PUM1: variants seen among roughly 807,000 people sequenced by gnomAD.
PUM1 encodes the protein pumilio RNA binding family member 1.
Under a neutral mutation model 131.8 loss-of-function variants are expected in PUM1, and 13 were observed. That is an observed-to-expected ratio of 0.10 (90% CI 0.06 to 0.16). The LOEUF is 0.16. Among genes scored for constraint, PUM1 ranks in the 10% least tolerant of loss-of-function variants. The pLI, the probability that PUM1 is intolerant of heterozygous loss-of-function variation, is 1.00. For synonymous variants in PUM1, 509 were observed against 556.5 expected (o/e 0.91, Z 1.20); for missense variants, 961 against 1,512.4 (o/e 0.64, Z 6.05).
intron 5 of PUM1, among the ~76,000 whole-genome samples, chr1:31,002,357 A>AT (rs1193901268): frequency 1.2e-4 from 18 of 152,048 alleles, no homozygotes; most frequent in Non-Finnish European, 2.6e-4. Flanking sequence ...TTCCCAATAT[A>AT]TTTTTTCTAA....
intron 3 of PUM1, among the ~76,000 whole-genome samples, chr1:31,019,451 G>C (rs980382563): frequency 6.6e-6 from 1 of 152,144 alleles, no homozygotes; most frequent in Non-Finnish European, 1.5e-5. Context: ...AAACGCACAG[G>C]GGTTTCCTGT....
chr1:30,954,829 G>A (rs1640081850), intron 14 of PUM1, among the ~76,000 whole-genome samples: 2 of 152,088 alleles, frequency 1.3e-5, no homozygotes, highest in Admixed American at 6.5e-5. Context: ...TTGGGAAGTC[G>A]AAGCAGGAGG....
At chr1:30,956,817 T>C (rs1438948185) in intron 14 of PUM1, among the ~76,000 whole-genome samples, 1 of 152,138 alleles carries the variant, frequency 6.6e-6, no homozygotes, top group African/African-American at 2.4e-5. Context: ...TTGGTGACAA[T>C]GTTTAATGAC....
chr1:30,982,843 GTTAACTC>G (rs1641404329), intron 7 of PUM1, among the ~76,000 whole-genome samples: 2 of 152,148 alleles, frequency 1.3e-5, no homozygotes, highest in African/African-American at 2.4e-5. Flanking sequence ...AATTTCACCT[GTTAACTC>G]TTTAGTCTTA....
intron 21 of PUM1, 97 bp from the exon 22 acceptor site, chr1:30,933,439 T>TACACACACAC (rs58664754): frequency 0.017 from 6,071 of 363,338 alleles, 122 homozygotes; most frequent in East Asian, 0.025. Flanking sequence ...CACACACACA[T>TACACACACAC]ACACACACAC....
chr1:30,966,107 T>C lies in PUM1; in HGVS notation c.1961A>G (p.Asn654Ser), dbSNP rs1401466112. 3.7e-6 allele frequency: 6 copies of C among 1,614,066 alleles called. No individual in the cohort carries two copies. The highest frequency in any genetic ancestry group is 3.3e-5 in the Admixed American group (2 of 60,004). The change falls in exon 13 of 22, where the codon AAT becomes AGT. Residue 654 changes from asparagine to serine, a missense_variant. By Grantham distance (46) the Asn-to-Ser change is conservative (BLOSUM62 1). Transcript: ENST00000426105. ...SFYGNNSLNSNSQSSSLFSQG... is the reference protein window; with the variant it reads ...SFYGNNSLNSSSQSSSLFSQG... ...GGAGAAGAGGGAGCTGCTCTGTGAATTGCTGTTCAGAGAGTTGTTGCCGTA... is the reference window on the plus strand; with the variant it reads ...GGAGAAGAGGGAGCTGCTCTGTGAACTGCTGTTCAGAGAGTTGTTGCCGTA...
intron 10 of PUM1, among the ~76,000 whole-genome samples, chr1:30,973,245 T>G (rs1396192752): frequency 7.6e-6 from 1 of 131,726 alleles, no homozygotes; most frequent in Admixed American, 7.3e-5. Flanking sequence ...TGTAATTGTG[T>G]GGAATCTAAA....
chr1:31,005,821 G>T, intron 5 of PUM1, 32 bp downstream of exon 5: 1 of 1,430,552 alleles, frequency 7.0e-7, no homozygotes, highest in Non-Finnish European at 9.4e-7. Flanking sequence ...GAGAGAGAGA[G>T]AGATAGGAAC....
chr1:30,951,471 T>A (rs1227027171), intron 16 of PUM1, among the ~76,000 whole-genome samples: 1 of 152,228 alleles, frequency 6.6e-6, no homozygotes, highest in Non-Finnish European at 1.5e-5. Context: ...TTAAGACATT[T>A]ACAAATTTGT....
At chr1:30,995,319 G>A (rs1641941379) in intron 5 of PUM1, 99 bp from the exon 6 acceptor site, 2 of 1,283,890 alleles carry the variant, frequency 1.6e-6, no homozygotes, top group Admixed American at 3.8e-5. Flanking sequence ...ACTCAGAAGA[G>A]GATAGTGTTG....
rs749413565 is a variant in PUM1 at position 30,974,789 on chromosome 1, G to A, written c.1368C>T (p.Val456=). Residue 456 remains valine (V), a synonymous_variant, in exon 10 of 22, where the codon GTC becomes GTT. Transcript: ENST00000426105. The part of the protein sequence containing the change: ...AAAATLGPAV[V]PHQYYGVTPW... ...GAGTAACTCCATAATACTGGTGAGG[G>A]ACCACAGCTGGGCCTAAAAATAGCA... 2 of 1,609,974 alleles carry A rather than the reference G, an allele frequency of 1.2e-6. No individual in the cohort carries two copies. The highest frequency in any genetic ancestry group is 3.4e-5 in the Admixed American group (2 of 59,488).
At chr1:30,958,047 A>C (rs1640244124) in intron 14 of PUM1, among the ~76,000 whole-genome samples, 2 of 152,212 alleles carry the variant, frequency 1.3e-5, no homozygotes, top group Admixed American at 1.3e-4. Context: ...TATTCATTTC[A>C]ATTCAGAATG....
chr1:31,024,250 C>G (rs531316940), intron 3 of PUM1, among the ~76,000 whole-genome samples: 1 of 152,280 alleles, frequency 6.6e-6, no homozygotes, highest in African/African-American at 2.4e-5. Flanking sequence ...TACCTCTATC[C>G]CACCAAATTT....
intron 3 of PUM1, among the ~76,000 whole-genome samples, chr1:31,025,049 T>G (rs1643171753): frequency 6.6e-6 from 1 of 152,212 alleles, no homozygotes; most frequent in South Asian, 2.1e-4. Context: ...TAGACAAAAT[T>G]TTTAAATAAT....
Position 31,065,620 on chromosome 1 carries a change from G to A in PUM1, c.-16C>T. 4.5e-6 allele frequency: 7 copies of A among 1,547,470 alleles called. No homozygotes were observed. The highest frequency in any genetic ancestry group is 2.0e-5 in the Admixed American group (1 of 50,966). ...CGGTGGGGTGCGGATACTCACGGGC[G>A]GAGCGGTAGGATGAAGATGGATTTC... is the stretch of plus-strand genomic sequence containing the variant. On this transcript the variant is annotated 5_prime_UTR_variant, in exon 1 of 22. Coordinates refer to ENST00000426105, the MANE Select transcript of PUM1 (RefSeq NM_001020658.2).
chr1:30,940,744 C>T (rs1336915219), intron 20 of PUM1, among the ~76,000 whole-genome samples: 5 of 152,138 alleles, frequency 3.3e-5, no homozygotes, highest in African/African-American at 1.2e-4. Flanking sequence ...CTTGAGCTTG[C>T]ACAATATGAA....
rs1638982641 is a variant in PUM1 at position 30,931,733 on chromosome 1, T to G, written c.*1478A>C. ...AATTCTATATTCAAACAAGGAAAAT[T>G]GACAGTATGTTACATTCACTTACAA... is the stretch of plus-strand genomic sequence containing the variant. On this transcript the variant is annotated 3_prime_UTR_variant, in exon 22 of 22. Transcript: ENST00000426105. 6.6e-6 allele frequency: 1 copy of G among 152,622 alleles called. No individual in the cohort carries two copies. The highest frequency in any genetic ancestry group is 6.5e-5 in the Admixed American group (1 of 15,276). 9.5% of individuals were successfully genotyped at this position (152,622 alleles called of 1,614,324 possible). A position where few individuals can be genotyped will look rare whatever the true frequency, so the allele number is the denominator to read the frequency against.
chr1:30,993,307 T>C (rs1438905817), intron 6 of PUM1, among the ~76,000 whole-genome samples: 1 of 145,986 alleles, frequency 6.8e-6, no homozygotes, highest in African/African-American at 2.5e-5. Context: ...TGGGAAGATG[T>C]AATTTATCAT....
intron 7 of PUM1, among the ~76,000 whole-genome samples, chr1:30,990,075 T>C (rs1224291001): frequency 1.3e-5 from 2 of 152,218 alleles, no homozygotes; most frequent in African/African-American, 4.8e-5. Flanking sequence ...GACACACATA[T>C]TAGAAAACAC....
Sources: gnomAD v4.1 joint callset for allele counts (sites outside exome capture counted in the v4.1 genomes callset) on GRCh38, gnomAD v4.1.1 for gene constraint, MANE v1.5 for transcripts, NCBI Gene and HGNC (gene_info 2026-07-23, HGNC 2026-07-21) for gene names.